Variants in E2F7 observed in about 807,000 individuals in gnomAD.
E2F7 encodes transcription factor E2F7.
Under a neutral mutation model 81.1 loss-of-function variants are expected in E2F7, and 35 were observed. That is an observed-to-expected ratio of 0.43 (90% CI 0.33 to 0.57). The LOEUF is 0.57. Among genes scored for constraint, E2F7 ranks in the 20% least tolerant of loss-of-function variants. The probability of loss-of-function intolerance (pLI) is 0.04; values close to 1 mark genes in which losing one functional copy is unlikely to be tolerated. For synonymous variants in E2F7, 416 were observed against 416.2 expected (o/e 1.00, Z 0.01); for missense variants, 961 against 1,093.7 (o/e 0.88, Z 1.71).
At chr12:77,061,071 T>G (rs1355245363) in intron 2 of E2F7, among the ~76,000 whole-genome samples, 6 of 152,150 alleles carry the variant, frequency 3.9e-5, no homozygotes, top group Non-Finnish European at 7.3e-5. Context: ...TCAGCCTCCT[T>G]CTATTTTCAC....
Position 77,021,392 on chromosome 12 carries a change from AAG to A in E2F7, c.*2621_*2622del, listed in dbSNP as rs1392811406. 2.0e-5 allele frequency: 3 copies of A among 152,672 alleles called. No homozygotes were observed. The highest frequency in any genetic ancestry group is 4.4e-5 in the Non-Finnish European group (3 of 68,038). The allele number at this position is 152,672 out of a possible 1,614,324, so 9.5% of individuals were successfully genotyped here. On this transcript the variant is annotated 3_prime_UTR_variant, in exon 13 of 13. Coordinates refer to ENST00000322886, the MANE Select transcript of E2F7 (RefSeq NM_203394.3). ...TATAGATAATATAGCCATTAGGAAAAAGAGCAGAGCTAAATAATAAGAAAACA... is the reference window on the plus strand; with the variant it reads ...TATAGATAATATAGCCATTAGGAAAAAGCAGAGCTAAATAATAAGAAAACA...
chr12:77,050,472 C>A, intron 4 of E2F7, 104 bp downstream of exon 4: 2 of 1,217,534 alleles, frequency 1.6e-6, no homozygotes, highest in Non-Finnish European at 2.3e-6. Context: ...TCTGTCTTCA[C>A]CCGATTGAGG....
chr12:77,038,666 C>T (rs898702733), intron 7 of E2F7, among the ~76,000 whole-genome samples: 4 of 152,028 alleles, frequency 2.6e-5, no homozygotes, highest in African/African-American at 9.7e-5. Flanking sequence ...GAAGAAAGGT[C>T]TCAAATTAAT....
intron 7 of E2F7, among the ~76,000 whole-genome samples, chr12:77,041,518 G>A (rs1565902796): frequency 1.3e-5 from 2 of 152,076 alleles, no homozygotes; most frequent in South Asian, 2.1e-4. Flanking sequence ...TCAATGGTAC[G>A]ACCACCTTTG....
At chr12:77,024,226 T>A in intron 12 of E2F7, 41 bp from the exon 13 acceptor site, 1 of 1,588,434 alleles carries the variant, frequency 6.3e-7, no homozygotes, top group African/African-American at 1.3e-5. Flanking sequence ...GAAGTCATAT[T>A]GTTTCTGATC....
Position 77,028,082 on chromosome 12 carries a change from A to G in E2F7, c.1941T>C (p.Ser647=). 6.2e-7 allele frequency: 1 copy of G among 1,614,226 alleles called. No individual in the cohort carries two copies. Among genetic ancestry groups the G allele is most frequent in the East Asian group, 2.2e-5 (1 of 44,890 alleles). ...ASPKTMGNRA[S]IPLKDIHVNG... is the part of the protein sequence containing the mutation. ...TCACATGAATGTCTTTGAGGGGTAT[A>G]GATGCCCTGTTACCCATAGTCTTGG... Residue 647 remains serine, a synonymous_variant, in exon 11 of 13, where the codon TCT becomes TCC. Transcript: ENST00000322886.
intron 2 of E2F7, among the ~76,000 whole-genome samples, chr12:77,062,695 A>C (rs1053590611): frequency 3.3e-5 from 5 of 152,178 alleles, no homozygotes; most frequent in African/African-American, 4.8e-5. Flanking sequence ...TACTTGATAA[A>C]AGTCATTGAC....
chr12:77,050,461 C>A, intron 4 of E2F7, 115 bp downstream of exon 4: 1 of 1,060,390 alleles, frequency 9.4e-7, no homozygotes, highest in Non-Finnish European at 1.3e-6. Flanking sequence ...CTGCCTGTTC[C>A]TCTGTCTTCA....
At position 77,035,412 on chromosome 12, in the gene E2F7, T is replaced by C. The variant is rs552783153; in HGVS notation, c.1124-1370A>G. ...GCACTAGAGGGTACAATGCAGCTCATATAGGACTGGGAAAAGTGCCTGTTG... is the reference window on the plus strand; with the variant it reads ...GCACTAGAGGGTACAATGCAGCTCACATAGGACTGGGAAAAGTGCCTGTTG... On this transcript the variant is annotated intron_variant, in intron 7 of 12. Coordinates refer to ENST00000322886, the MANE Select transcript of E2F7 (RefSeq NM_203394.3). Among the ~76,000 whole-genome samples the C allele has an allele frequency of 2.6e-5, 4 of 152,256 alleles. No homozygotes were observed. The East Asian group carries it at 5.8e-4, about 22-fold the overall frequency.
chr12:77,043,315 G>T, intron 6 of E2F7, 116 bp from the exon 7 acceptor site: 1 of 1,388,054 alleles, frequency 7.2e-7, no homozygotes. Flanking sequence ...AAAGCAGCAG[G>T]TTGGGATGAG....
At chr12:77,055,449 A>G (rs926597753) in intron 3 of E2F7, among the ~76,000 whole-genome samples, 2 of 152,172 alleles carry the variant, frequency 1.3e-5, no homozygotes, top group African/African-American at 2.4e-5. Flanking sequence ...CTTAACTTCA[A>G]TAAAGCCCCA....
rs145680062 is a variant in E2F7 at position 77,060,338 on chromosome 12, C to G, written c.93+4205G>C. Among the ~76,000 whole-genome samples the G allele has an allele frequency of 1.3e-3, 201 of 152,230 alleles. 1 individual carries two copies. Among genetic ancestry groups the G allele is most frequent in the Non-Finnish European group, 8.2e-4 (56 of 68,024 alleles). On this transcript the variant is annotated intron_variant, in intron 2 of 12. Coordinates refer to ENST00000322886, the MANE Select transcript of E2F7 (RefSeq NM_203394.3). ...ATAATGAGCTCAGAAGGTAAAAGCA[C>G]TCTGTCATCTGTGAAGTGCTATACA...
In E2F7 at chr12:77,051,254, T is replaced by A. The variant is rs369803916; in HGVS notation, c.370-510A>T. Among the ~76,000 whole-genome samples, 3 of 152,342 alleles carry A rather than the reference T, an allele frequency of 2.0e-5. No individual in the cohort carries two copies. The East Asian group carries it at 5.8e-4, about 29-fold the overall frequency. On this transcript the variant is annotated intron_variant, in intron 3 of 12. Transcript: ENST00000322886. ...AAGGCAGTCCAATCATATTCTTCCT[T>A]ATCCTTTTATTTGTAAATACATTAA... is the stretch of plus-strand genomic sequence containing the variant.
chr12:77,052,903 A>G (rs1034679833), intron 3 of E2F7, among the ~76,000 whole-genome samples: 10 of 152,186 alleles, frequency 6.6e-5, no homozygotes, highest in African/African-American at 2.4e-4. Flanking sequence ...GCCAGTAAAC[A>G]TGTGGAAAGA....
Position 77,024,201 on chromosome 12 carries a change from A to C in E2F7, c.2566-16T>G. The C allele has an allele frequency of 5.0e-6, 8 of 1,605,844 alleles. No homozygotes were observed. Among genetic ancestry groups the C allele is most frequent in the East Asian group, 2.2e-5 (1 of 44,850 alleles). ...GAACTGGTGACTGAAAAAAGAAAAA[A>C]GAAAAAACAGAAGTGAAGTCATATT... On this transcript the variant is annotated splice_polypyrimidine_tract_variant and intron_variant, in intron 12 of 12. Coordinates refer to ENST00000322886, the MANE Select transcript of E2F7 (RefSeq NM_203394.3).
chr12:77,031,030 T>C (rs373482377), intron 9 of E2F7, among the ~76,000 whole-genome samples: 1 of 152,234 alleles, frequency 6.6e-6, no homozygotes, highest in South Asian at 2.1e-4. Flanking sequence ...TGCTCGGTGT[T>C]ATTAACAAAA....
At position 77,046,029 on chromosome 12, in the gene E2F7, T is replaced by G. The variant is rs1592562143; in HGVS notation, c.829+9A>C. The stretch of plus-strand genomic sequence containing the variant: ...TCTGCCATTACTCATGAAGTTACAA[T>G]GGACTCACAAGAGGGACAGTCGGGT... On this transcript the variant is annotated intron_variant, in intron 5 of 12. Transcript: ENST00000322886. 1.2e-6 allele frequency: 2 copies of G among 1,610,350 alleles called. No homozygotes were observed. Among genetic ancestry groups the G allele is most frequent in the Non-Finnish European group, 1.7e-6 (2 of 1,177,978 alleles).
rs572580331 is a variant in E2F7, at chr12:77,023,710, G to C, written c.*305C>G. 24 of 250,416 alleles carry C rather than the reference G, an allele frequency of 9.6e-5. No homozygotes were observed. In the East Asian group the frequency reaches 1.8e-3, roughly 18 times the overall value. The allele number at this position is 250,416 out of a possible 1,614,324, so 15.5% of individuals were successfully genotyped here. On this transcript the variant is annotated 3_prime_UTR_variant, in exon 13 of 13. Transcript: ENST00000322886. ...AAGTGCTAGACAGCGCCCCCCTTTAGAAAAACAAGGCTCCGGTAGCCTATT... is the reference window on the plus strand; with the variant it reads ...AAGTGCTAGACAGCGCCCCCCTTTACAAAAACAAGGCTCCGGTAGCCTATT...
At chr12:77,038,503 C>T (rs943305582) in intron 7 of E2F7, among the ~76,000 whole-genome samples, 11 of 151,928 alleles carry the variant, frequency 7.2e-5, no homozygotes, top group Non-Finnish European at 1.5e-4. Context: ...TGTTACATGT[C>T]TAAATAATTT....
Sources: gnomAD v4.1 joint callset for allele counts (sites outside exome capture counted in the v4.1 genomes callset) on GRCh38, gnomAD v4.1.1 for gene constraint, MANE v1.5 for transcripts, NCBI Gene and HGNC (gene_info 2026-07-23, HGNC 2026-07-21) for gene names.